Variants in USP34 observed in about 807,000 individuals in gnomAD.
The protein encoded by USP34 is ubiquitin carboxyl-terminal hydrolase 34.
USP34 carries 70 observed loss-of-function variants against 460.3 expected under a neutral mutation model. The ratio of observed to expected loss-of-function variants is 0.15; its 90% CI spans 0.13 to 0.19. USP34 has a LOEUF of 0.19. Ranked by LOEUF, USP34 falls within the 10% of genes least tolerant of loss-of-function variation. The pLI is 1.00. For synonymous variants in USP34, 1,647 were observed against 1,405.3 expected, an observed-to-expected ratio of 1.17 and a Z score of -3.85; for missense variants, 3,985 against 4,236.2, an observed-to-expected ratio of 0.94 and a Z score of 1.65.
At chr2:61,424,050 C>T (rs1329106718) in intron 1 of USP34, among the ~76,000 whole-genome samples, 2 of 152,166 alleles carry the variant, frequency 1.3e-5, no homozygotes, top group African/African-American at 4.8e-5. Context: ...TAAAATGTTA[C>T]AGCTGCTGTG....
At chr2:61,204,737 G>C (rs538796594) in intron 72 of USP34, 136 bp from the exon 73 acceptor site, 56 of 663,668 alleles carry the variant, frequency 8.4e-5, no homozygotes, top group African/African-American at 7.9e-4. Context: ...GACACGAGTA[G>C]AAATTCTGTC....
chr2:61,336,960 C>T lies in USP34; in HGVS notation c.2744+2391G>A, dbSNP rs370393785. ...TTATTTGCCTAAATCATTATATAAT[C>T]TTTGAAAATAGGACCCTTAATGGCT... On this transcript the variant is annotated intron_variant, in intron 18 of 79. Transcript: ENST00000398571. Among the ~76,000 whole-genome samples the T allele has an allele frequency of 1.6e-4, 25 of 152,072 alleles. No homozygotes were observed. In the South Asian group the frequency reaches 5.0e-3, roughly 30 times the overall value.
chr2:61,328,124 G>A (rs937910083), intron 20 of USP34, among the ~76,000 whole-genome samples: 21 of 152,060 alleles, frequency 1.4e-4, no homozygotes, highest in African/African-American at 4.8e-4. Flanking sequence ...CCAACATGGC[G>A]AAACCTTGTC....
chr2:61,375,642 G>A (rs2103850560), intron 8 of USP34, among the ~76,000 whole-genome samples: 1 of 151,730 alleles, frequency 6.6e-6, no homozygotes, highest in East Asian at 1.9e-4. Context: ...GGTGGCGGGT[G>A]CCTGTAGTCC....
intron 57 of USP34, among the ~76,000 whole-genome samples, chr2:61,235,252 A>C (rs1315419752): frequency 6.6e-6 from 1 of 152,100 alleles, no homozygotes; most frequent in East Asian, 1.9e-4. Context: ...CTGGTTAAGA[A>C]ATATTTGGAA....
At chr2:61,226,939 C>A in intron 62 of USP34, 128 bp downstream of exon 62, 1 of 1,085,076 alleles carries the variant, frequency 9.2e-7, no homozygotes, top group Non-Finnish European at 1.3e-6. Context: ...ATAATAAAAG[C>A]TAGTGAATAA....
chr2:61,376,997 T>C (rs2103854290), intron 8 of USP34, among the ~76,000 whole-genome samples: 1 of 152,340 alleles, frequency 6.6e-6, no homozygotes, highest in South Asian at 2.1e-4. Context: ...GTCTTGACAG[T>C]GTGAAACAAC....
intron 27 of USP34, among the ~76,000 whole-genome samples, chr2:61,301,673 C>T (rs1690228641): frequency 6.6e-6 from 1 of 152,214 alleles, no homozygotes; most frequent in African/African-American, 2.4e-5. Context: ...ACCATCTTCC[C>T]TATCTCACAC....
intron 67 of USP34, among the ~76,000 whole-genome samples, chr2:61,217,720 C>T (rs1687442861): frequency 6.6e-6 from 1 of 152,076 alleles, no homozygotes; most frequent in Non-Finnish European, 1.5e-5. Context: ...TTTGGGAGGC[C>T]GAGGTGGGTG....
intron 75 of USP34, chr2:61,200,768 A>G (rs1050819721): frequency 6.6e-6 from 1 of 151,598 alleles, no homozygotes; most frequent in Non-Finnish European, 1.5e-5. Flanking sequence ...TTCTCTACCA[A>G]CTCTGTGTGG....
intron 10 of USP34, among the ~76,000 whole-genome samples, chr2:61,360,417 G>T (rs955570408): frequency 6.6e-6 from 1 of 152,006 alleles, no homozygotes. Flanking sequence ...ATCTGAAAAC[G>T]CAATTAAGAA....
intron 29 of USP34, among the ~76,000 whole-genome samples, chr2:61,300,510 A>G (rs1374864311): frequency 6.7e-6 from 1 of 149,260 alleles, no homozygotes; most frequent in Non-Finnish European, 1.5e-5. Context: ...TTAAAAGATT[A>G]CTGAGGGCCA....
At position 61,352,124 on chromosome 2, in the gene USP34, T is replaced by A. The variant is rs548854016; in HGVS notation, c.1252-1431A>T. 4.3e-4 allele frequency among the ~76,000 whole-genome samples: 66 copies of A among 152,264 alleles called. No individual in the cohort carries two copies. In the South Asian group the frequency reaches 0.013, roughly 30 times the overall value. Reference sequence around the variant, plus strand: ...ATTCAATAATCCAAAATCTTAAATGTTCCAATGAGTACTTCTTTGAGCACC... The same window carrying A: ...ATTCAATAATCCAAAATCTTAAATGATCCAATGAGTACTTCTTTGAGCACC... On this transcript the variant is annotated intron_variant, in intron 10 of 79. Coordinates refer to ENST00000398571, the MANE Select transcript of USP34 (RefSeq NM_014709.4).
chr2:61,275,400 T>G (rs1689342204), intron 41 of USP34, among the ~76,000 whole-genome samples: 1 of 152,170 alleles, frequency 6.6e-6, no homozygotes, highest in Non-Finnish European at 1.5e-5. Flanking sequence ...GAGGATCACT[T>G]AAGGGCAGGA....
intron 15 of USP34, 67 bp downstream of exon 15, chr2:61,347,803 T>C: frequency 1.9e-6 from 3 of 1,556,358 alleles, no homozygotes; most frequent in Non-Finnish European, 2.6e-6. Flanking sequence ...AATTGCAAAT[T>C]GAATATAGGA....
At chr2:61,467,980 A>G (rs918173928) in intron 1 of USP34, among the ~76,000 whole-genome samples, 3 of 152,082 alleles carry the variant, frequency 2.0e-5, no homozygotes, top group Non-Finnish European at 2.9e-5. Flanking sequence ...TGTACAAGGT[A>G]CAGGCGGGAA....
intron 75 of USP34, among the ~76,000 whole-genome samples, chr2:61,196,733 G>A (rs1439267677): frequency 6.6e-6 from 1 of 151,862 alleles, no homozygotes; most frequent in African/African-American, 2.4e-5. Context: ...GGGTTCTGCC[G>A]TGTTGCCCAG....
At chr2:61,234,915 C>G (rs1196399380) in intron 57 of USP34, among the ~76,000 whole-genome samples, 1 of 152,162 alleles carries the variant, frequency 6.6e-6, no homozygotes, top group African/African-American at 2.4e-5. Flanking sequence ...GGATTACAGG[C>G]GTGAGCCACC....
At chr2:61,394,817 C>T in intron 5 of USP34, 36 bp downstream of exon 5, 1 of 1,445,610 alleles carries the variant, frequency 6.9e-7, no homozygotes, top group African/African-American at 1.5e-5. Flanking sequence ...CTAGACATTG[C>T]TCCCAAAATT....
Sources: gnomAD v4.1 joint callset for allele counts (sites outside exome capture counted in the v4.1 genomes callset) on GRCh38, gnomAD v4.1.1 for gene constraint, MANE v1.5 for transcripts, NCBI Gene and HGNC (gene_info 2026-07-23, HGNC 2026-07-21) for gene names.